NFIB: variants seen among roughly 807,000 people sequenced by gnomAD.
NFIB encodes the protein nuclear factor I B.
NFIB carries 11 observed loss-of-function variants against 61.5 expected under a neutral mutation model. That is an observed-to-expected ratio of 0.18 (90% confidence interval 0.11 to 0.30). NFIB has a LOEUF of 0.30. Among genes scored for constraint, NFIB ranks in the 10% least tolerant of loss-of-function variants. NFIB has a pLI of 1.00. For synonymous variants in NFIB, 260 were observed against 216.5 expected (o/e 1.20, Z -1.76); for missense variants, 471 against 608.9 (o/e 0.77, Z 2.38).
intron 1 of NFIB, among the ~76,000 whole-genome samples, chr9:14,346,283 AACCG>A (rs2061018602): frequency 8.6e-6 from 1 of 116,326 alleles, no homozygotes; most frequent in Admixed American, 9.2e-5. Flanking sequence ...CACACGAGGT[AACCG>A]ACACCCCCCC....
At chr9:14,330,198 T>C (rs928727864) in intron 1 of NFIB, among the ~76,000 whole-genome samples, 10 of 152,138 alleles carry the variant, frequency 6.6e-5, no homozygotes, top group African/African-American at 2.4e-4. Flanking sequence ...GGGAGGATGA[T>C]CACTTTATGG....
intron 2 of NFIB, among the ~76,000 whole-genome samples, chr9:14,210,457 C>CA (rs940873679): frequency 6.0e-5 from 9 of 150,834 alleles, no homozygotes; most frequent in East Asian, 5.8e-4. Context: ...TTGAGAACAC[C>CA]AAAAAAAACA....
intron 2 of NFIB, among the ~76,000 whole-genome samples, chr9:14,224,243 GTTCACTAAGATCACAGCTATTT>G (rs2052069807): frequency 6.6e-6 from 1 of 152,158 alleles, no homozygotes; most frequent in African/African-American, 2.4e-5. Flanking sequence ...TGAGGCTTCT[GTTCACTAAGATCACAGCTATTT>G]TTCAGTTTCC....
chr9:14,497,517 GA>G, the NFIB span, among the ~76,000 whole-genome samples: 1 of 152,124 alleles, frequency 6.6e-6, no homozygotes, highest in Non-Finnish European at 1.5e-5. Flanking sequence ...AAAGGGAGGA[GA>G]AGAACTAAAG....
chr9:14,445,137 A>G, the NFIB span, among the ~76,000 whole-genome samples: 1 of 152,128 alleles, frequency 6.6e-6, no homozygotes, highest in African/African-American at 2.4e-5. Context: ...TTGCTGGTAT[A>G]TAGGAATGTA....
intron 6 of NFIB, among the ~76,000 whole-genome samples, chr9:14,144,371 G>A (rs1013069460): frequency 1.2e-4 from 19 of 152,094 alleles, no homozygotes; most frequent in African/African-American, 4.6e-4. Context: ...AGAATTTTCT[G>A]ACAAGGAAAG....
At chr9:14,419,900 G>T in the NFIB span, among the ~76,000 whole-genome samples, 3 of 152,148 alleles carry the variant, frequency 2.0e-5, no homozygotes, top group African/African-American at 4.8e-5. Flanking sequence ...AAAAAGTATA[G>T]AATTTTGTAG....
At chr9:14,419,366 A>C in the NFIB span, among the ~76,000 whole-genome samples, 1 of 151,616 alleles carries the variant, frequency 6.6e-6, no homozygotes, top group Non-Finnish European at 1.5e-5. Context: ...TTGCAGATTC[A>C]GGGGACCAGG....
At chr9:14,435,835 TTCTTCTG>T in the NFIB span, among the ~76,000 whole-genome samples, 2 of 152,208 alleles carry the variant, frequency 1.3e-5, no homozygotes, top group Admixed American at 6.5e-5. Context: ...AGAACCAGGC[TTCTTCTG>T]GACTCTTCCG....
the NFIB span, among the ~76,000 whole-genome samples, chr9:14,497,377 G>T: frequency 6.6e-6 from 1 of 152,174 alleles, no homozygotes; most frequent in Non-Finnish European, 1.5e-5. Flanking sequence ...TTTGTCCAAG[G>T]CAGTCTTCGT....
intron 2 of NFIB, among the ~76,000 whole-genome samples, chr9:14,254,651 T>C (rs2056025521): frequency 1.3e-5 from 2 of 152,208 alleles, no homozygotes; most frequent in Admixed American, 6.5e-5. Flanking sequence ...CCATCTGCTA[T>C]AATATTAGTG....
chr9:14,415,478 A>G, the NFIB span, among the ~76,000 whole-genome samples: 2 of 152,238 alleles, frequency 1.3e-5, no homozygotes, highest in African/African-American at 4.8e-5. Context: ...GCCCACACTC[A>G]AAGGCCGGTG....
chr9:14,170,454 C>T (rs768756307), intron 3 of NFIB, among the ~76,000 whole-genome samples: 4 of 152,082 alleles, frequency 2.6e-5, no homozygotes, highest in Non-Finnish European at 5.9e-5. Context: ...CCAGCCTAGG[C>T]AACATAGCAA....
rs541785369 is a variant in NFIB, at chr9:14,328,941, T to C, written c.109-21421A>G. Among the ~76,000 whole-genome samples the C allele has an allele frequency of 5.9e-5, 9 of 152,308 alleles. 1 individual carries two copies. The South Asian group carries it at 1.9e-3, about 32-fold the overall frequency. ...TTGTTGAAAAATCTAGATATTTTGC[T>C]TTTTTTGAAAAAGTGGAAGGTGAGA... On this transcript the variant is annotated intron_variant, in intron 1 of 8. Transcript: ENST00000380934.
In NFIB at chr9:14,125,656, C is replaced by T; in HGVS notation, c.1036G>A (p.Gly346Arg). 5 of 1,614,026 alleles carry T rather than the reference C, an allele frequency of 3.1e-6. No homozygotes were observed. Among genetic ancestry groups the T allele is most frequent in the South Asian group, 1.1e-5 (1 of 91,076 alleles). The change falls in exon 7 of 11, where the codon GGA (glycine) becomes AGA (arginine). Residue 346 changes from glycine (G) to arginine (R), a missense_variant. Transcript: ENST00000380953. ...LSTFPQHHHP[G>R]IPGVAHSVIS... ...CCACTGTGTGCAACTCCAGGTATTC[C>T]GGGATGGTGGTGCTGGGGGAAAGTG... is the stretch of plus-strand genomic sequence containing the variant.
chr9:14,149,639 G>C (rs976152683), intron 5 of NFIB, among the ~76,000 whole-genome samples: 3 of 152,162 alleles, frequency 2.0e-5, no homozygotes, highest in Admixed American at 1.3e-4. Flanking sequence ...ATTGGTAACA[G>C]AGCGTTAATT....
At chr9:14,277,007 C>CTGCT (rs2058048971) in intron 2 of NFIB, among the ~76,000 whole-genome samples, 1 of 152,044 alleles carries the variant, frequency 6.6e-6, no homozygotes, top group Non-Finnish European at 1.5e-5. Context: ...TTGTACTGAA[C>CTGCT]TGCTATTTGT....
the NFIB span, among the ~76,000 whole-genome samples, chr9:14,521,814 G>A: frequency 3.3e-5 from 5 of 152,340 alleles, no homozygotes; most frequent in East Asian, 1.9e-4. Context: ...TATCCCTTGC[G>A]TGGGGAGATG....
the NFIB span, among the ~76,000 whole-genome samples, chr9:14,404,062 G>A: frequency 6.6e-6 from 1 of 152,078 alleles, no homozygotes; most frequent in African/African-American, 2.4e-5. Context: ...AATGTGTACT[G>A]GTCTTTCCTC....
Sources: gnomAD v4.1 joint callset for allele counts (sites outside exome capture counted in the v4.1 genomes callset) on GRCh38, gnomAD v4.1.1 for gene constraint, MANE v1.5 for transcripts, NCBI Gene and HGNC (gene_info 2026-07-23, HGNC 2026-07-21) for gene names.